Variants in CHRM3 observed in about 807,000 individuals in gnomAD.
CHRM3 encodes the protein cholinergic receptor muscarinic 3, also known as muscarinic acetylcholine receptor M3.
In CHRM3, 11 loss-of-function variants were observed where a neutral mutation model predicts 41.8. That is an observed-to-expected ratio of 0.26 (90% CI 0.17 to 0.44). The LOEUF is 0.44. Among genes scored for constraint, CHRM3 ranks in the 20% least tolerant of loss-of-function variants. The probability of loss-of-function intolerance (pLI) is 1.00; values close to 1 mark genes in which losing one functional copy is unlikely to be tolerated. For synonymous variants in CHRM3, 297 were observed against 301.4 expected, an observed-to-expected ratio of 0.99 and a Z score of 0.15; for missense variants, 571 against 745.4, an observed-to-expected ratio of 0.77 and a Z score of 2.72.
intron 6 of CHRM3, among the ~76,000 whole-genome samples, chr1:239,867,229 G>A (rs997167519): frequency 3.3e-5 from 5 of 152,252 alleles, no homozygotes; most frequent in African/African-American, 9.6e-5. Flanking sequence ...CTTATAGGGA[G>A]TGTTGATTTT....
intron 5 of CHRM3, among the ~76,000 whole-genome samples, chr1:239,742,255 A>G (rs1269379067): frequency 6.6e-6 from 1 of 150,930 alleles, no homozygotes; most frequent in Non-Finnish European, 1.5e-5. Flanking sequence ...AAAACAAACC[A>G]CACCAAAATG....
intron 5 of CHRM3, among the ~76,000 whole-genome samples, chr1:239,740,511 T>C (rs148106441): frequency 0.022 from 3,407 of 152,018 alleles, 54 homozygotes; most frequent in Middle Eastern, 0.038. Flanking sequence ...TGCAGGCTTG[T>C]TACATAGGTA....
chr1:239,820,448 C>T (rs570729268), intron 5 of CHRM3, among the ~76,000 whole-genome samples: 3 of 152,116 alleles, frequency 2.0e-5, no homozygotes, highest in African/African-American at 2.4e-5. Flanking sequence ...TTCCCTCCTG[C>T]GATATCTGTT....
intron 5 of CHRM3, chr1:239,730,369 A>G (rs1663852415): frequency 6.6e-6 from 1 of 151,992 alleles, no homozygotes; most frequent in South Asian, 2.1e-4. Flanking sequence ...ACAGTTTAAT[A>G]GAGGAGGTAG....
At chr1:239,684,791 AG>A (rs1465272746) in intron 5 of CHRM3, among the ~76,000 whole-genome samples, 14 of 151,646 alleles carry the variant, frequency 9.2e-5, no homozygotes, top group South Asian at 2.1e-4. Context: ...AGAAAAGAGA[AG>A]AGAAGGAAAA....
intron 5 of CHRM3, among the ~76,000 whole-genome samples, chr1:239,767,551 C>T (rs1223951894): frequency 6.6e-6 from 1 of 152,058 alleles, no homozygotes; most frequent in Non-Finnish European, 1.5e-5. Flanking sequence ...TTCCTAGAAT[C>T]AATATGGTTA....
intron 5 of CHRM3, among the ~76,000 whole-genome samples, chr1:239,745,722 A>C (rs1382285925): frequency 6.6e-6 from 1 of 152,166 alleles, no homozygotes; most frequent in Non-Finnish European, 1.5e-5. Flanking sequence ...TTCAAGGCAA[A>C]GATGTTAGCC....
intron 1 of CHRM3, among the ~76,000 whole-genome samples, chr1:239,473,178 A>T (rs1037546090): frequency 2.0e-5 from 3 of 151,934 alleles, no homozygotes; most frequent in Non-Finnish European, 4.4e-5. Flanking sequence ...TATAGGAGAA[A>T]ATCTTTATGA....
intron 2 of CHRM3, among the ~76,000 whole-genome samples, chr1:239,528,504 A>G (rs751372209): frequency 3.3e-5 from 5 of 152,226 alleles, no homozygotes; most frequent in Non-Finnish European, 5.9e-5. Flanking sequence ...ATTCCAAAGC[A>G]TGACTGAACA....
At chr1:239,791,640 CA>C (rs1273151008) in intron 5 of CHRM3, among the ~76,000 whole-genome samples, 1 of 152,028 alleles carries the variant, frequency 6.6e-6, no homozygotes, top group Non-Finnish European at 1.5e-5. Context: ...TGGGAGATCA[CA>C]AACCAATCAG....
chr1:239,576,604 A>ACG (rs1207046479), intron 3 of CHRM3, among the ~76,000 whole-genome samples: 1 of 150,838 alleles, frequency 6.6e-6, no homozygotes, highest in Non-Finnish European at 1.5e-5. Context: ...GCACACACAC[A>ACG]CACACACACA....
chr1:239,492,674 T>C (rs1427884334), intron 1 of CHRM3, 35 bp from the exon 2 acceptor site: 1 of 152,206 alleles, frequency 6.6e-6, no homozygotes, highest in Non-Finnish European at 1.5e-5. Context: ...CCTTGCATGC[T>C]CTGCTGAGGG....
intron 6 of CHRM3, among the ~76,000 whole-genome samples, chr1:239,842,389 C>T (rs1281052520): frequency 6.6e-6 from 1 of 152,082 alleles, no homozygotes; most frequent in Non-Finnish European, 1.5e-5. Flanking sequence ...TGCCCGCCAT[C>T]ATGCCTGGCT....
chr1:239,772,512 C>T (rs1667773492), intron 5 of CHRM3, among the ~76,000 whole-genome samples: 1 of 152,124 alleles, frequency 6.6e-6, no homozygotes, highest in Non-Finnish European at 1.5e-5. Flanking sequence ...TACAGAAAAA[C>T]GTTGAAGTAA....
chr1:239,637,674 G>A (rs1670624894), intron 4 of CHRM3, among the ~76,000 whole-genome samples: 1 of 148,180 alleles, frequency 6.7e-6, no homozygotes. Flanking sequence ...TCCCATCATA[G>A]CAGCACCTGA....
At chr1:239,403,175 T>C (rs1660124988) in intron 1 of CHRM3, among the ~76,000 whole-genome samples, 1 of 152,194 alleles carries the variant, frequency 6.6e-6, no homozygotes, top group Non-Finnish European at 1.5e-5. Flanking sequence ...AAGCCACCAA[T>C]TATTTATTTC....
intron 4 of CHRM3, among the ~76,000 whole-genome samples, chr1:239,656,172 G>T (rs1285099267): frequency 2.6e-5 from 4 of 151,942 alleles, no homozygotes; most frequent in African/African-American, 9.7e-5. Context: ...AGGAAGGGGG[G>T]GAAAGGGTTG....
chr1:239,823,768 T>C (rs542648659), intron 5 of CHRM3, among the ~76,000 whole-genome samples: 7 of 152,126 alleles, frequency 4.6e-5, no homozygotes, highest in African/African-American at 1.2e-4. Flanking sequence ...AGAAGACCCT[T>C]TTGTGGTGTC....
intron 6 of CHRM3, among the ~76,000 whole-genome samples, chr1:239,834,843 C>T (rs1673184545): frequency 6.6e-6 from 1 of 152,120 alleles, no homozygotes; most frequent in Non-Finnish European, 1.5e-5. Flanking sequence ...ACAAAGTTCT[C>T]AATGATATTC....
Sources: allele counts gnomAD v4.1 joint callset (sites outside exome capture counted in the v4.1 genomes callset), GRCh38; gene constraint gnomAD v4.1.1; transcripts MANE v1.5; gene names NCBI Gene and HGNC (gene_info 2026-07-23, HGNC 2026-07-21).